TNNT3: variants seen among roughly 807,000 people sequenced by gnomAD.
The protein encoded by TNNT3 is troponin T, fast skeletal muscle.
In TNNT3, 36 loss-of-function variants were observed where a neutral mutation model predicts 54.2. The ratio of observed to expected loss-of-function variants is 0.66; its 90% CI spans 0.51 to 0.88. The LOEUF (loss-of-function observed/expected upper bound fraction) is 0.88, where lower values mean the gene tolerates loss of function less well. Among genes scored for constraint, TNNT3 ranks in the 40% least tolerant of loss-of-function variants. The pLI is 0.00. For missense variants in TNNT3, 291 were observed against 331.6 expected (o/e 0.88, Z 0.95); for synonymous variants, 120 against 109.7 (o/e 1.09, Z -0.59).
At chr11:1,924,919 G>T (rs1407879710) in intron 4 of TNNT3, 180 bp from the exon 5 acceptor site, 1 of 715,692 alleles carries the variant, frequency 1.4e-6, no homozygotes, top group Non-Finnish European at 2.5e-6. Flanking sequence ...TGCTCCCCGG[G>T]GCTGGCCAGA....
At chr11:1,937,028 C>T (rs762063464) in intron 15 of TNNT3, 25 bp downstream of exon 15, 24 of 1,576,946 alleles carry the variant, frequency 1.5e-5, no homozygotes, top group Non-Finnish European at 1.9e-5. Flanking sequence ...CGTCCTCGCT[C>T]CGCACTGGGC....
At chr11:1,923,433 T>C in intron 3 of TNNT3, 122 bp from the exon 4 acceptor site, 1 of 1,088,672 alleles carries the variant, frequency 9.2e-7, no homozygotes. Flanking sequence ...GATTCCACGC[T>C]CTTGGGCAGG....
At chr11:1,920,714 A>G (rs944113566) in intron 1 of TNNT3, among the ~76,000 whole-genome samples, 1 of 152,048 alleles carries the variant, frequency 6.6e-6, no homozygotes. Flanking sequence ...GCCCGAAGAA[A>G]CTGACCGCAT....
chr11:1,932,978 A>G (rs1429604834), intron 9 of TNNT3, among the ~76,000 whole-genome samples: 1 of 147,074 alleles, frequency 6.8e-6, no homozygotes, highest in Non-Finnish European at 1.5e-5. Flanking sequence ...CTATCCACTC[A>G]CTCATCTCTC....
intron 6 of TNNT3, chr11:1,928,107 AC>A: frequency 1.3e-5 from 2 of 152,800 alleles, no homozygotes; most frequent in South Asian, 2.1e-4. Flanking sequence ...CAGGACCCCC[AC>A]CCCCGGGCCC....
Position 1,929,898 on chromosome 11 carries a change from G to T in TNNT3, c.125+70G>T, listed in dbSNP as rs1031243041. On this transcript the variant is annotated intron_variant, in intron 8 of 15. Transcript: ENST00000278317. Reference sequence around the variant, plus strand: ...GGTGGGGGTGGTCAAGTGAGTGTGGGGTCCTGGCAGGCCCAGTGCCGAGTG... The same window carrying T: ...GGTGGGGGTGGTCAAGTGAGTGTGGTGTCCTGGCAGGCCCAGTGCCGAGTG... 9 of 1,531,236 alleles carry T rather than the reference G, an allele frequency of 5.9e-6. No homozygotes were observed. The South Asian group carries it at 9.7e-5, about 17-fold the overall frequency. The allele number at this position is 1,531,236 out of a possible 1,614,324, so 94.9% of individuals were successfully genotyped here.
chr11:1,923,231 C>A (rs980568818), intron 3 of TNNT3, among the ~76,000 whole-genome samples, 170 bp downstream of exon 3: 1 of 152,114 alleles, frequency 6.6e-6, no homozygotes. Context: ...AAGTGGGGGG[C>A]CTCGTCTTTT....
chr11:1,921,669 CAG>C (rs1850140023), intron 1 of TNNT3: 1 of 152,222 alleles, frequency 6.6e-6, no homozygotes, highest in Non-Finnish European at 1.5e-5. Context: ...ACATTCTTGA[CAG>C]AGGGTTTGGA....
intron 9 of TNNT3, among the ~76,000 whole-genome samples, chr11:1,933,209 A>G (rs748041042): frequency 2.1e-5 from 3 of 142,376 alleles, no homozygotes; most frequent in Non-Finnish European, 4.6e-5. Context: ...ATTAATCCAC[A>G]TAATCATTCC....
chr11:1,929,070 G>A (rs777783710), intron 6 of TNNT3, 50 bp from the exon 7 acceptor site: 124 of 1,610,534 alleles, frequency 7.7e-5, no homozygotes, highest in Non-Finnish European at 1.0e-4. Flanking sequence ...CCCCGCAGCC[G>A]CACTGGCTTT....
rs376184113 is a variant in TNNT3, at chr11:1,920,676, C to T, written c.-19+914C>T. On this transcript the variant is annotated intron_variant, in intron 1 of 15. Coordinates refer to ENST00000278317, the MANE Select transcript of TNNT3 (RefSeq NM_006757.4). ...CCACCCTGCCCTGGCCCCGTCACCT[C>T]CCAAGGAGGGAAAGGTGATGCATAC... Among the ~76,000 whole-genome samples the T allele has an allele frequency of 3.3e-5, 5 of 152,280 alleles. No individual in the cohort carries two copies. The East Asian group carries it at 7.7e-4, about 24-fold the overall frequency.
intron 1 of TNNT3, 47 bp from the exon 2 acceptor site, chr11:1,922,810 C>G (rs1237537048): frequency 3.8e-6 from 6 of 1,586,418 alleles, no homozygotes; most frequent in South Asian, 1.1e-5. Flanking sequence ...GCTCGTAACT[C>G]TCTTTCCATC....
chr11:1,934,514 C>T (rs1277844358), intron 12 of TNNT3, 32 bp from the exon 13 acceptor site: 2 of 1,607,242 alleles, frequency 1.2e-6, no homozygotes, highest in Non-Finnish European at 1.7e-6. Flanking sequence ...CTCCTGAGAC[C>T]AGGCCCCTCT....
intron 4 of TNNT3, 132 bp from the exon 5 acceptor site, chr11:1,924,967 C>A (rs573691244): frequency 3.1e-6 from 3 of 981,252 alleles, no homozygotes; most frequent in South Asian, 1.4e-5. Flanking sequence ...CCCTGCCAAG[C>A]GAGCCCCAGG....
At chr11:1,922,947 C>T (rs200239574) in intron 2 of TNNT3, 56 bp downstream of exon 2, 928 of 1,613,654 alleles carry the variant, frequency 5.8e-4, no homozygotes, top group Non-Finnish European at 6.8e-4. Flanking sequence ...GGCCCCTTGG[C>T]TTCTGTGGGG....
At chr11:1,936,275 T>G in intron 14 of TNNT3, 1 of 1,613,368 alleles carries the variant, frequency 6.2e-7, no homozygotes, top group Non-Finnish European at 8.5e-7. Flanking sequence ...GGGTCCGCCC[T>G]GGGCCAGGCC....
intron 14 of TNNT3, chr11:1,936,361 G>A (rs1332748376): frequency 7.7e-7 from 1 of 1,292,896 alleles, no homozygotes; most frequent in Non-Finnish European, 1.1e-6. Flanking sequence ...CTGGCGGCAG[G>A]GGGCCTGGAG....
intron 8 of TNNT3, among the ~76,000 whole-genome samples, chr11:1,932,250 G>A (rs1004730907): frequency 6.6e-6 from 1 of 152,246 alleles, no homozygotes; most frequent in Admixed American, 6.5e-5. Context: ...GCTGGAAGCG[G>A]AAGCCTTCTT....
rs369540571 is a variant in TNNT3 at position 1,923,430 on chromosome 11, C to T, written c.32-125C>T. 382 of 1,055,594 alleles carry T rather than the reference C, an allele frequency of 3.6e-4. 1 individual carries two copies. The African/African-American group carries it at 4.1e-3, about 11-fold the overall frequency. 65.4% of individuals were successfully genotyped at this position (1,055,594 alleles called of 1,614,324 possible). A position where few individuals can be genotyped will look rare whatever the true frequency, so the allele number is the denominator to read the frequency against. On this transcript the variant is annotated intron_variant, in intron 3 of 15. Transcript: ENST00000278317. ...CAGGGCCCGAGGACCCCTGATTCCACGCTCTTGGGCAGGGGCAGTCGCTGG... is the reference window on the plus strand; with the variant it reads ...CAGGGCCCGAGGACCCCTGATTCCATGCTCTTGGGCAGGGGCAGTCGCTGG...
Sources: allele counts gnomAD v4.1 joint callset (sites outside exome capture counted in the v4.1 genomes callset), GRCh38; gene constraint gnomAD v4.1.1; transcripts MANE v1.5; gene names NCBI Gene and HGNC (gene_info 2026-07-23, HGNC 2026-07-21).